The following APP variants were observed in gnomAD, a reference collection of about 807,000 sequenced individuals.
APP encodes amyloid beta precursor protein.
A neutral mutation model predicts 101.4 loss-of-function variants in APP; 31 were observed. That is an observed-to-expected ratio of 0.31 (90% CI 0.23 to 0.41). The LOEUF (loss-of-function observed/expected upper bound fraction) is 0.41. Ranked by LOEUF, APP falls within the 10% of genes least tolerant of loss-of-function variation. APP has a pLI of 1.00. For synonymous variants in APP, 366 were observed against 364.4 expected, an observed-to-expected ratio of 1.00 and a Z score of -0.05; for missense variants, 839 against 1,003.7, an observed-to-expected ratio of 0.84 and a Z score of 2.22.
At chr21:26,078,269 T>C (rs1601404583) in intron 3 of APP, among the ~76,000 whole-genome samples, 2 of 152,324 alleles carry the variant, frequency 1.3e-5, no homozygotes, top group East Asian at 1.9e-4. Flanking sequence ...ATGGGTATTA[T>C]CTGGAATTAT....
rs1230312464 is a variant in APP, at chr21:25,880,712, T to TAAAGA, written c.*953_*957dup. The TAAAGA allele has an allele frequency of 2.6e-5, 4 of 152,262 alleles. No individual in the cohort carries two copies. The highest frequency in any genetic ancestry group is 4.8e-5 in the African/African-American group (2 of 41,470). 9.4% of individuals were successfully genotyped at this position (152,262 alleles called of 1,614,324 possible). On this transcript the variant is annotated 3_prime_UTR_variant, in exon 18 of 18. Coordinates refer to ENST00000346798, the MANE Select transcript of APP (RefSeq NM_000484.4). Reference sequence around the variant, plus strand: ...ATCATAAATGAAACTTCAGACTGGTTAAAGAAAATTGAATCTGCCTCTTCT... The same window carrying TAAAGA: ...ATCATAAATGAAACTTCAGACTGGTTAAAGAAAAGAAAATTGAATCTGCCTCTTCT...
At chr21:25,952,187 T>TACACACACACACAC (rs1324301529) in intron 13 of APP, among the ~76,000 whole-genome samples, 61 of 111,198 alleles carry the variant, frequency 5.5e-4, no homozygotes, top group African/African-American at 1.6e-3. Context: ...GCATATTACA[T>TACACACACACACAC]ACATACACAC....
chr21:25,976,427 T>G (rs2042226366), intron 9 of APP, among the ~76,000 whole-genome samples: 1 of 152,222 alleles, frequency 6.6e-6, no homozygotes, highest in Admixed American at 6.5e-5. Flanking sequence ...CTGAAACCAT[T>G]TTAAACTGTA....
At chr21:25,905,358 G>A (rs893494451) in intron 14 of APP, among the ~76,000 whole-genome samples, 1 of 152,172 alleles carries the variant, frequency 6.6e-6, no homozygotes, top group Admixed American at 6.5e-5. Context: ...GAAGAGGGGT[G>A]GGGAGGGTGG....
At chr21:26,025,765 G>A (rs1411689389) in intron 5 of APP, among the ~76,000 whole-genome samples, 7 of 152,138 alleles carry the variant, frequency 4.6e-5, no homozygotes, top group Non-Finnish European at 7.3e-5. Flanking sequence ...TAGTTCAACC[G>A]GCTAAGGAAT....
intron 15 of APP, among the ~76,000 whole-genome samples, chr21:25,901,248 G>T (rs9978790): frequency 6.8e-6 from 1 of 147,156 alleles, no homozygotes; most frequent in African/African-American, 2.5e-5. Flanking sequence ...CAGTGAGCTG[G>T]TATCATGCCA....
chr21:26,047,993 T>C (rs1486983729), intron 5 of APP, among the ~76,000 whole-genome samples: 1 of 152,200 alleles, frequency 6.6e-6, no homozygotes, highest in Admixed American at 6.5e-5. Flanking sequence ...ACCTGTTTCT[T>C]TTTACTATTT....
At chr21:26,058,909 G>A (rs1433788862) in intron 3 of APP, among the ~76,000 whole-genome samples, 5 of 151,906 alleles carry the variant, frequency 3.3e-5, no homozygotes, top group South Asian at 2.1e-4. Context: ...GTGAAACCCC[G>A]TCTCTACTAA....
Position 26,074,782 on chromosome 21 carries a change from A to C in APP, c.355+15161T>G, listed in dbSNP as rs966334836. On this transcript the variant is annotated intron_variant, in intron 3 of 17. Coordinates refer to ENST00000346798, the MANE Select transcript of APP (RefSeq NM_000484.4). ...AAAAAAATCTTTATCATTAGCCTTA[A>C]AAACTAAGGACAATGAAACTATTAT... Among the ~76,000 whole-genome samples, 3 of 152,276 alleles carry C rather than the reference A, an allele frequency of 2.0e-5. No individual in the cohort carries two copies. In the East Asian group the frequency reaches 5.8e-4, roughly 29 times the overall value.
intron 11 of APP, among the ~76,000 whole-genome samples, chr21:25,967,569 G>A (rs1601057623): frequency 6.6e-6 from 1 of 152,150 alleles, no homozygotes; most frequent in African/African-American, 2.4e-5. Context: ...CCAAACCTAG[G>A]CCTACAATAG....
chr21:25,929,389 G>GT (rs199919338), intron 13 of APP, among the ~76,000 whole-genome samples: 2,101 of 150,916 alleles, frequency 0.014, 17 homozygotes, highest in Non-Finnish European at 0.02. Flanking sequence ...AAGAGTAGTG[G>GT]TTTTTTTTTA....
intron 1 of APP, chr21:26,158,279 C>T (rs1355843549): frequency 5.3e-5 from 8 of 152,198 alleles, no homozygotes; most frequent in Admixed American, 5.2e-4. Context: ...TAAGCAAATC[C>T]CAAAAGCCTA....
Position 25,891,674 on chromosome 21 carries a change from C to T in APP, c.2211+48G>A, listed in dbSNP as rs150115492. 182 of 1,594,082 alleles carry T rather than the reference C, an allele frequency of 1.1e-4. No individual in the cohort carries two copies. The East Asian group carries it at 4.0e-3, about 35-fold the overall frequency. On this transcript the variant is annotated intron_variant, in intron 17 of 17. Transcript: ENST00000346798. ...TTAGCAAAAAGCTAAGCCTAATTCT[C>T]TCATAGTCTTAATTCCCACTTGGAA...
chr21:26,058,183 C>T (rs45614937), intron 3 of APP, among the ~76,000 whole-genome samples: 3,646 of 152,258 alleles, frequency 0.024, 129 homozygotes, highest in African/African-American at 0.084. Flanking sequence ...ACTCTGTGTC[C>T]AAGTTCCAGA....
chr21:26,113,508 G>A (rs2062372843), intron 1 of APP, among the ~76,000 whole-genome samples: 1 of 152,240 alleles, frequency 6.6e-6, no homozygotes. Flanking sequence ...CAAGTCATGA[G>A]TGCAAAAGCT....
intron 3 of APP, among the ~76,000 whole-genome samples, chr21:26,059,890 C>CAAAAAAAAAAAAAA (rs57594630): frequency 4.0e-4 from 28 of 70,660 alleles, no homozygotes; most frequent in East Asian, 2.2e-3. Context: ...GACTCCGTCT[C>CAAAAAAAAAAAAAA]AAAAAAAAAA....
intron 3 of APP, among the ~76,000 whole-genome samples, chr21:26,081,339 A>G (rs2061594477): frequency 7.4e-6 from 1 of 134,320 alleles, no homozygotes; most frequent in African/African-American, 2.8e-5. Context: ...GGGTAGGGCC[A>G]TTTTGTAAGA....
chr21:26,011,588 A>C (rs541992636), intron 6 of APP, among the ~76,000 whole-genome samples: 17 of 152,270 alleles, frequency 1.1e-4, no homozygotes, highest in African/African-American at 4.1e-4. Context: ...TATCTGGCCC[A>C]AAACATCAAT....
chr21:25,903,647 AC>A (rs1431040209), intron 15 of APP, among the ~76,000 whole-genome samples: 1 of 152,148 alleles, frequency 6.6e-6, no homozygotes, highest in African/African-American at 2.4e-5. Context: ...AACTGAACTG[AC>A]CCTCAGCCCG....
Sources: gnomAD v4.1 joint callset for allele counts (sites outside exome capture counted in the v4.1 genomes callset) on GRCh38, gnomAD v4.1.1 for gene constraint, MANE v1.5 for transcripts, NCBI Gene and HGNC (gene_info 2026-07-23, HGNC 2026-07-21) for gene names.